The following CPB2 variants were observed in gnomAD, a reference collection of about 807,000 sequenced individuals.
The protein encoded by CPB2 is carboxypeptidase B-like protein.
CPB2 carries 54 observed loss-of-function variants against 57.0 expected under a neutral mutation model. The observed-to-expected ratio is 0.95, with a 90% CI of 0.76 to 1.19. The LOEUF (loss-of-function observed/expected upper bound fraction) is 1.19. CPB2 is among the 50% of genes most tolerant of loss of function. The probability of loss-of-function intolerance (pLI) is 0.00; values close to 1 mark genes in which losing one functional copy is unlikely to be tolerated. For missense variants in CPB2, 426 were observed against 512.0 expected (o/e 0.83, Z 1.62); for synonymous variants, 189 against 178.1 (o/e 1.06, Z -0.49).
Position 46,087,780 on chromosome 13 carries a change from C to T in CPB2, c.115G>A (p.Val39Ile). The T allele has an allele frequency of 6.2e-7, 1 of 1,611,342 alleles. No homozygotes were observed. The highest frequency in any genetic ancestry group is 8.5e-7 in the Non-Finnish European group (1 of 1,178,970). ...LAALPRTSRQVQVLQNLTTTY... is the reference protein window; with the variant it reads ...LAALPRTSRQIQVLQNLTTTY... ...GTAGTAAGATTCTGTAGAACTTGAA[C>T]TTGCCTAGAGGTTCTAGGAAGAGCA... Residue 39 changes from valine to isoleucine, a missense_variant, in exon 2 of 11, where the codon GTT (valine) becomes ATT (isoleucine). By Grantham distance (29) the Val-to-Ile change is conservative. Transcript: ENST00000181383.
intron 6 of CPB2, among the ~76,000 whole-genome samples, chr13:46,069,673 T>C (rs7995615): frequency 0.34 from 52,268 of 152,106 alleles, 9,210 homozygotes; most frequent in African/African-American, 0.39. Context: ...TGAATCAGTA[T>C]TTCATTCCTT....
chr13:46,089,894 G>A (rs1054814490), intron 1 of CPB2, among the ~76,000 whole-genome samples: 3 of 152,084 alleles, frequency 2.0e-5, no homozygotes, highest in African/African-American at 7.2e-5. Flanking sequence ...GGTATTTTTT[G>A]TTATAACTGC....
At chr13:46,067,284 G>T (rs2044871117) in intron 7 of CPB2, 23 bp downstream of exon 7, 1 of 1,187,912 alleles carries the variant, frequency 8.4e-7, no homozygotes, top group Non-Finnish European at 1.3e-6. Context: ...AACATGATTT[G>T]TCTTCTTTGC....
At chr13:46,068,618 G>A (rs1198182211) in intron 6 of CPB2, among the ~76,000 whole-genome samples, 4 of 152,106 alleles carry the variant, frequency 2.6e-5, no homozygotes, top group African/African-American at 9.6e-5. Flanking sequence ...AGTTATACAC[G>A]TGCCACGGTG....
chr13:46,100,336 T>C (rs1189605259), intron 1 of CPB2: 1 of 152,196 alleles, frequency 6.6e-6, no homozygotes, highest in East Asian at 1.9e-4. Context: ...TTGAGCAAAG[T>C]GCTAACACAA....
At chr13:46,075,710 C>T (rs372363099) in intron 5 of CPB2, among the ~76,000 whole-genome samples, 1 of 152,120 alleles carries the variant, frequency 6.6e-6, no homozygotes, top group Non-Finnish European at 1.5e-5. Flanking sequence ...TGAAGAGGCT[C>T]ACCTATCACA....
chr13:46,070,758 A>G (rs2044928436), intron 6 of CPB2, among the ~76,000 whole-genome samples: 1 of 152,192 alleles, frequency 6.6e-6, no homozygotes. Flanking sequence ...TTTTACTCCA[A>G]TCTCTATATA....
At chr13:46,089,744 A>C (rs1338070876) in intron 1 of CPB2, among the ~76,000 whole-genome samples, 2 of 152,134 alleles carry the variant, frequency 1.3e-5, no homozygotes, top group East Asian at 1.9e-4. Flanking sequence ...CACCATGTGA[A>C]TATATAGCGG....
chr13:46,065,573 G>A (rs994977964), intron 7 of CPB2, among the ~76,000 whole-genome samples: 4 of 143,048 alleles, frequency 2.8e-5, no homozygotes, highest in African/African-American at 1.1e-4. Context: ...CTTGCAGTGA[G>A]CCGAGATCTT....
At position 46,104,928 on chromosome 13, in the gene CPB2, T is replaced by C. The variant is rs376177473; in HGVS notation, c.74+8A>G. ...GGCCCACCACAGTCTAAGATTCTAT[T>C]GGGTTACCTCTGAAACGCGAAGACA... On this transcript the variant is annotated splice_region_variant and intron_variant, in intron 1 of 10. Transcript: ENST00000181383. The C allele has an allele frequency of 2.7e-5, 43 of 1,613,780 alleles. No homozygotes were observed. The African/African-American group carries it at 5.1e-4, about 19-fold the overall frequency.
intron 4 of CPB2, among the ~76,000 whole-genome samples, chr13:46,080,709 A>G (rs9534314): frequency 0.79 from 119,841 of 152,090 alleles, 47,581 homozygotes; most frequent in African/African-American, 0.88. Flanking sequence ...GGTGGCTCAC[A>G]CCTGTAATCC....
intron 1 of CPB2, among the ~76,000 whole-genome samples, chr13:46,091,511 A>C (rs530689378): frequency 6.6e-6 from 1 of 152,330 alleles, no homozygotes; most frequent in Admixed American, 6.5e-5. Context: ...GTCTTTTATC[A>C]GTTTTAAAAA....
At chr13:46,071,557 C>T (rs915624129) in intron 6 of CPB2, among the ~76,000 whole-genome samples, 11 of 152,150 alleles carry the variant, frequency 7.2e-5, no homozygotes, top group African/African-American at 2.4e-4. Flanking sequence ...TTTGAATTCA[C>T]TCAGAATGAT....
chr13:46,082,904 G>A (rs1397269204), intron 3 of CPB2, among the ~76,000 whole-genome samples: 2 of 151,246 alleles, frequency 1.3e-5, no homozygotes, highest in East Asian at 1.9e-4. Flanking sequence ...GACTAACACT[G>A]TATTATGCTG....
intron 1 of CPB2, chr13:46,101,266 C>G (rs1254013521): frequency 6.6e-6 from 1 of 152,198 alleles, no homozygotes; most frequent in Non-Finnish European, 1.5e-5. Flanking sequence ...CTTTGCTGAG[C>G]AGAACTCTCT....
intron 5 of CPB2, among the ~76,000 whole-genome samples, chr13:46,075,042 G>A (rs1000228172): frequency 1.3e-5 from 2 of 152,186 alleles, no homozygotes; most frequent in Non-Finnish European, 2.9e-5. Flanking sequence ...AGGGGTTGAG[G>A]ACCACTGGTA....
At chr13:46,086,648 C>T (rs1262195564) in intron 2 of CPB2, among the ~76,000 whole-genome samples, 1 of 152,226 alleles carries the variant, frequency 6.6e-6, no homozygotes, top group Non-Finnish European at 1.5e-5. Flanking sequence ...GGACTGGCAG[C>T]CTTCCTGGGC....
intron 8 of CPB2, 83 bp from the exon 9 acceptor site, chr13:46,058,464 T>G: frequency 2.6e-6 from 3 of 1,169,466 alleles, no homozygotes; most frequent in Non-Finnish European, 3.8e-6. Flanking sequence ...CGTATTCTCC[T>G]ACCTATGTTG....
At chr13:46,070,850 C>T (rs1156710175) in intron 6 of CPB2, among the ~76,000 whole-genome samples, 1 of 152,014 alleles carries the variant, frequency 6.6e-6, no homozygotes, top group African/African-American at 2.4e-5. Flanking sequence ...TCTCTGCAAC[C>T]CAAAATTGTA....
Sources: gnomAD v4.1 joint callset for allele counts (sites outside exome capture counted in the v4.1 genomes callset) on GRCh38, gnomAD v4.1.1 for gene constraint, MANE v1.5 for transcripts, NCBI Gene and HGNC (gene_info 2026-07-23, HGNC 2026-07-21) for gene names.